Variants in SEC22A observed in about 807,000 individuals in gnomAD.
The protein encoded by SEC22A is vesicle-trafficking protein SEC22a.
A neutral mutation model predicts 35.3 loss-of-function variants in SEC22A; 22 were observed. The ratio of observed to expected loss-of-function variants is 0.62; its 90% CI spans 0.45 to 0.89. The LOEUF (loss-of-function observed/expected upper bound fraction) is 0.89. SEC22A is among the 40% of genes least tolerant of loss of function. SEC22A has a pLI of 0.00. For synonymous variants in SEC22A, 119 were observed against 129.5 expected, an observed-to-expected ratio of 0.92 and a Z score of 0.55; for missense variants, 354 against 362.5, an observed-to-expected ratio of 0.98 and a Z score of 0.19.
At chr3:123,253,930 A>G (rs1172679393) in intron 5 of SEC22A, among the ~76,000 whole-genome samples, 2 of 151,928 alleles carry the variant, frequency 1.3e-5, no homozygotes, top group Admixed American at 1.3e-4. Flanking sequence ...AAGATTAAAT[A>G]ACATTAAAAA....
intron 2 of SEC22A, among the ~76,000 whole-genome samples, chr3:123,223,325 G>A (rs1027505882): frequency 3.9e-5 from 6 of 152,292 alleles, no homozygotes; most frequent in Admixed American, 2.0e-4. Flanking sequence ...TGTTAGAACC[G>A]TATTGTGTGT....
chr3:123,230,699 C>CAAAAAAA (rs376679473), intron 4 of SEC22A, among the ~76,000 whole-genome samples: 7 of 47,364 alleles, frequency 1.5e-4, no homozygotes, highest in Non-Finnish European at 1.7e-4. Flanking sequence ...TCACTTCATG[C>CAAAAAAA]AAAAAAAAAA....
At chr3:123,241,121 A>G (rs1453798456) in intron 4 of SEC22A, among the ~76,000 whole-genome samples, 2 of 152,054 alleles carry the variant, frequency 1.3e-5, no homozygotes, top group Admixed American at 1.3e-4. Flanking sequence ...GGCATTTTTT[A>G]GAAATACAGT....
chr3:123,214,138 T>A (rs556211970), intron 2 of SEC22A, among the ~76,000 whole-genome samples: 7 of 152,310 alleles, frequency 4.6e-5, no homozygotes, highest in African/African-American at 1.7e-4. Flanking sequence ...GAGGCTGCAG[T>A]GAGCTGAGAT....
At chr3:123,252,935 G>T (rs1362081213) in intron 5 of SEC22A, among the ~76,000 whole-genome samples, 1 of 152,090 alleles carries the variant, frequency 6.6e-6, no homozygotes, top group East Asian at 1.9e-4. Flanking sequence ...TCTTAACTTT[G>T]CTCTGAGTTT....
chr3:123,231,363 C>G (rs1328234669), intron 4 of SEC22A, among the ~76,000 whole-genome samples: 1 of 152,150 alleles, frequency 6.6e-6, no homozygotes, highest in African/African-American at 2.4e-5. Context: ...AATTTATGTT[C>G]TTCTCAAGTG....
rs185696547 is a variant in SEC22A at position 123,260,541 on chromosome 3, G to T, written c.723+952G>T. ...ACTGATAGTCACATTTCCAAGGCCA[G>T]AGGAGGCACACATTTGTAGGAAAGG... On this transcript the variant is annotated intron_variant, in intron 6 of 6. Transcript: ENST00000492595. 1.1e-4 allele frequency among the ~76,000 whole-genome samples: 17 copies of T among 152,324 alleles called. No homozygotes were observed. The East Asian group carries it at 3.1e-3, about 28-fold the overall frequency.
chr3:123,268,828 G>A (rs573361984), intron 6 of SEC22A, among the ~76,000 whole-genome samples: 2 of 152,144 alleles, frequency 1.3e-5, no homozygotes, highest in South Asian at 2.1e-4. Flanking sequence ...TGTACCTTTT[G>A]ATCTATGATA....
At chr3:123,260,430 A>G (rs1937865403) in intron 6 of SEC22A, among the ~76,000 whole-genome samples, 1 of 152,212 alleles carries the variant, frequency 6.6e-6, no homozygotes, top group Non-Finnish European at 1.5e-5. Flanking sequence ...ATAGAAAAAA[A>G]TAGACATTGA....
chr3:123,270,104 C>A (rs547283691), intron 6 of SEC22A, among the ~76,000 whole-genome samples: 26 of 152,238 alleles, frequency 1.7e-4, no homozygotes, highest in African/African-American at 6.0e-4. Context: ...AATCAATGTT[C>A]ATTTCCTGGT....
At chr3:123,264,642 T>C (rs999642880) in intron 6 of SEC22A, among the ~76,000 whole-genome samples, 1 of 144,890 alleles carries the variant, frequency 6.9e-6, no homozygotes, top group East Asian at 2.0e-4. Flanking sequence ...TTTTTTTTTT[T>C]AATTTGTGAC....
In SEC22A at chr3:123,264,265, C is replaced by G. The variant is rs188846375; in HGVS notation, c.723+4676C>G. Among the ~76,000 whole-genome samples, 4 of 152,296 alleles carry G rather than the reference C, an allele frequency of 2.6e-5. No homozygotes were observed. In the East Asian group the frequency reaches 7.7e-4, roughly 29 times the overall value. On this transcript the variant is annotated intron_variant, in intron 6 of 6. Transcript: ENST00000492595. The stretch of plus-strand genomic sequence containing the variant: ...TTTTAAAATGTTGGCTGTTATAAAG[C>G]TGCTATAAACAATTATGTGCAGGTT...
chr3:123,245,285 A>G (rs1168773217), intron 4 of SEC22A, among the ~76,000 whole-genome samples: 3 of 152,248 alleles, frequency 2.0e-5, no homozygotes, highest in Non-Finnish European at 4.4e-5. Context: ...ACTTTCACCT[A>G]CCTGCAAATA....
In SEC22A at chr3:123,244,907, G is replaced by A. The variant is rs530907095; in HGVS notation, c.542-992G>A. ...GACCCTGTTGTTAATTCTATTAAGC[G>A]TAAGATGATGATGAAGGGAAGCTAT... On this transcript the variant is annotated intron_variant, in intron 4 of 6. Coordinates refer to ENST00000492595, the MANE Select transcript of SEC22A (RefSeq NM_012430.5). Among the ~76,000 whole-genome samples, 6 of 152,252 alleles carry A rather than the reference G, an allele frequency of 3.9e-5. No individual in the cohort carries two copies. The South Asian group carries it at 6.2e-4, about 16-fold the overall frequency.
chr3:123,244,456 AT>A (rs146143757), intron 4 of SEC22A, among the ~76,000 whole-genome samples: 5 of 151,794 alleles, frequency 3.3e-5, no homozygotes, highest in African/African-American at 9.7e-5. Context: ...TAAATCGTGA[AT>A]TTTTTTTTCT....
At chr3:123,203,850 G>A (rs1014604515) in intron 1 of SEC22A, among the ~76,000 whole-genome samples, 1 of 152,204 alleles carries the variant, frequency 6.6e-6, no homozygotes, top group South Asian at 2.1e-4. Flanking sequence ...TGTTGGGATT[G>A]ACACATTTGA....
intron 6 of SEC22A, among the ~76,000 whole-genome samples, chr3:123,265,386 A>G (rs1938003228): frequency 6.6e-6 from 1 of 150,992 alleles, no homozygotes; most frequent in Admixed American, 6.6e-5. Context: ...TTCCCAGTCT[A>G]TGTTTTTTTT....
chr3:123,202,953 G>A (rs1339290119), intron 1 of SEC22A, among the ~76,000 whole-genome samples: 1 of 150,372 alleles, frequency 6.7e-6, no homozygotes, highest in Non-Finnish European at 1.5e-5. Flanking sequence ...GATATATTAA[G>A]GTTCATTCAG....
intron 4 of SEC22A, among the ~76,000 whole-genome samples, chr3:123,231,384 A>G (rs1457506234): frequency 6.6e-6 from 1 of 152,234 alleles, no homozygotes; most frequent in African/African-American, 2.4e-5. Context: ...CATGTGAACT[A>G]TTCTCCAGGA....
Sources: gnomAD v4.1 joint callset for allele counts (sites outside exome capture counted in the v4.1 genomes callset) on GRCh38, gnomAD v4.1.1 for gene constraint, MANE v1.5 for transcripts, NCBI Gene and HGNC (gene_info 2026-07-23, HGNC 2026-07-21) for gene names.